The following DNAJC25 variants were observed in gnomAD, a reference collection of about 807,000 sequenced individuals.
DNAJC25 encodes dnaJ homolog subfamily C member 25.
A neutral mutation model predicts 42.1 loss-of-function variants in DNAJC25; 26 were observed. The ratio of observed to expected loss-of-function variants is 0.62; its 90% CI spans 0.45 to 0.86. The LOEUF (loss-of-function observed/expected upper bound fraction) is 0.86, where lower values mean the gene tolerates loss of function less well. DNAJC25 is among the 40% of genes least tolerant of loss of function. DNAJC25 has a pLI of 0.00. For missense variants in DNAJC25, 404 were observed against 459.4 expected, an observed-to-expected ratio of 0.88 and a Z score of 1.10; for synonymous variants, 189 against 179.9, an observed-to-expected ratio of 1.05 and a Z score of -0.40.
At chr9:111,640,641 G>A (rs1172964255) in intron 1 of DNAJC25, among the ~76,000 whole-genome samples, 5 of 57,498 alleles carry the variant, frequency 8.7e-5, no homozygotes, top group Non-Finnish European at 1.2e-4. Flanking sequence ...GGTGAGGAGC[G>A]TCTCTGCCCG....
intron 1 of DNAJC25, among the ~76,000 whole-genome samples, chr9:111,639,535 A>T (rs1341825618): frequency 6.6e-6 from 1 of 152,132 alleles, no homozygotes; most frequent in African/African-American, 2.4e-5. Flanking sequence ...AGAGAAGAAG[A>T]TAAGTTGCAC....
intron 1 of DNAJC25, among the ~76,000 whole-genome samples, chr9:111,640,387 ATCGT>A (rs1830434393): frequency 8.1e-6 from 1 of 123,378 alleles, no homozygotes; most frequent in African/African-American, 3.1e-5. Flanking sequence ...CTGGCCGCCC[ATCGT>A]CTGGGATGTG....
intron 1 of DNAJC25, chr9:111,642,979 C>G (rs1369773626): frequency 2.1e-6 from 1 of 469,406 alleles, no homozygotes; most frequent in Non-Finnish European, 4.4e-6. Flanking sequence ...TCAGGACAGA[C>G]AGGAGGAAGA....
chr9:111,640,614 C>G (rs1464039403), intron 1 of DNAJC25, among the ~76,000 whole-genome samples: 7 of 56,562 alleles, frequency 1.2e-4, no homozygotes, highest in East Asian at 7.8e-4. Flanking sequence ...TCTGCCCGGC[C>G]GAGACCCCGT....
At chr9:111,645,330 C>G (rs939112733) in intron 1 of DNAJC25, among the ~76,000 whole-genome samples, 1 of 151,544 alleles carries the variant, frequency 6.6e-6, no homozygotes, top group Non-Finnish European at 1.5e-5. Context: ...TCTCGGCTCA[C>G]TGCAACCTCC....
chr9:111,650,299 TAA>T (rs34802905), intron 3 of DNAJC25, among the ~76,000 whole-genome samples: 10 of 127,812 alleles, frequency 7.8e-5, no homozygotes, highest in South Asian at 2.4e-4. Context: ...CACAGAGACT[TAA>T]AAAAAAAAAA....
intron 3 of DNAJC25, among the ~76,000 whole-genome samples, chr9:111,651,986 G>A (rs1391003910): frequency 6.6e-6 from 1 of 152,084 alleles, no homozygotes; most frequent in African/African-American, 2.4e-5. Flanking sequence ...GTAGGTGTAA[G>A]TTCAGTTTGG....
intron 1 of DNAJC25, 151 bp downstream of exon 1, chr9:111,631,894 T>C: frequency 3.6e-6 from 5 of 1,378,424 alleles, no homozygotes; most frequent in Non-Finnish European, 4.7e-6. Context: ...GTTTCCCACG[T>C]GGCCCTGTGA....
At chr9:111,652,708 A>AT (rs1303974396) in intron 3 of DNAJC25, among the ~76,000 whole-genome samples, 40 of 150,350 alleles carry the variant, frequency 2.7e-4, no homozygotes, top group African/African-American at 9.3e-4. Context: ...CGCCCAGCTA[A>AT]TTTTTTCTAT....
chr9:111,643,433 C>T (rs1001346544), intron 1 of DNAJC25, among the ~76,000 whole-genome samples: 1 of 152,108 alleles, frequency 6.6e-6, no homozygotes, highest in Admixed American at 6.5e-5. Flanking sequence ...TAAATAGGTA[C>T]CAAGTGTAAT....
At chr9:111,652,725 T>A (rs1206698402) in intron 3 of DNAJC25, among the ~76,000 whole-genome samples, 1 of 151,378 alleles carries the variant, frequency 6.6e-6, no homozygotes, top group African/African-American at 2.4e-5. Context: ...CTATTTTTTT[T>A]AGGAGAGACG....
intron 1 of DNAJC25, among the ~76,000 whole-genome samples, chr9:111,641,678 G>A (rs1209304019): frequency 0.021 from 2,638 of 126,456 alleles, 2 homozygotes; most frequent in African/African-American, 0.035. Context: ...GGGAGGTGGG[G>A]GGGGGGTCAG....
intron 1 of DNAJC25, among the ~76,000 whole-genome samples, chr9:111,640,060 C>T (rs1830426816): frequency 1.3e-5 from 2 of 151,658 alleles, no homozygotes; most frequent in African/African-American, 2.4e-5. Context: ...CCTCAGTCTG[C>T]CGAATGCCTG....
At chr9:111,631,816 C>A in intron 1 of DNAJC25, 73 bp downstream of exon 1, 4 of 1,445,256 alleles carry the variant, frequency 2.8e-6, no homozygotes, top group Non-Finnish European at 3.6e-6. Context: ...GACCCCGGTC[C>A]GCGGAGCGTG....
intron 1 of DNAJC25, among the ~76,000 whole-genome samples, chr9:111,632,214 TGA>T (rs1428916049): frequency 2.6e-5 from 4 of 152,212 alleles, no homozygotes; most frequent in Non-Finnish European, 5.9e-5. Context: ...AAGAAAACAC[TGA>T]GAAGAACAAT....
At chr9:111,645,097 C>T (rs1589346145) in intron 1 of DNAJC25, among the ~76,000 whole-genome samples, 1 of 152,260 alleles carries the variant, frequency 6.6e-6, no homozygotes, top group South Asian at 2.1e-4. Context: ...CGTTGTATAA[C>T]TGAGAGTTTT....
rs1296879110 is a variant in DNAJC25, at chr9:111,647,338, C to T, written c.489+79C>T. On this transcript the variant is annotated intron_variant, in intron 2 of 3. Coordinates refer to ENST00000313525, the MANE Select transcript of DNAJC25 (RefSeq NM_001015882.3). The stretch of plus-strand genomic sequence containing the variant: ...CCTAGTGCTAGTCATTAAAACCTAA[C>T]TGCGAGTATCTTCTTGTAAAATTTT... 2.7e-6 allele frequency: 4 copies of T among 1,479,882 alleles called. No homozygotes were observed. In the Admixed American group the frequency reaches 8.7e-5, roughly 32 times the overall value. 91.7% of individuals were successfully genotyped at this position (1,479,882 alleles called of 1,614,324 possible). A position where few individuals can be genotyped will look rare whatever the true frequency, so the allele number is the denominator to read the frequency against.
At chr9:111,633,987 A>AC (rs1026655576) in intron 1 of DNAJC25, among the ~76,000 whole-genome samples, 120 of 152,284 alleles carry the variant, frequency 7.9e-4, no homozygotes, top group African/African-American at 2.7e-3. Context: ...ATATCTTGGA[A>AC]CAGGGGAGTG....
At chr9:111,641,288 G>A (rs1400151132) in intron 1 of DNAJC25, among the ~76,000 whole-genome samples, 47 of 135,594 alleles carry the variant, frequency 3.5e-4, no homozygotes, top group African/African-American at 8.8e-4. Context: ...GCCTCTGCCC[G>A]GCCGCCCCTA....
Sources: gnomAD v4.1 joint callset for allele counts (sites outside exome capture counted in the v4.1 genomes callset) on GRCh38, gnomAD v4.1.1 for gene constraint, MANE v1.5 for transcripts, NCBI Gene and HGNC (gene_info 2026-07-23, HGNC 2026-07-21) for gene names.